The following CLIP2 variants were observed in gnomAD, a reference collection of about 807,000 sequenced individuals.
CLIP2 encodes CAP-Gly domain-containing linker protein 2.
CLIP2 carries 41 observed loss-of-function variants against 111.7 expected under a neutral mutation model. That is an observed-to-expected ratio of 0.37 (90% CI 0.29 to 0.48). The LOEUF (loss-of-function observed/expected upper bound fraction) is 0.48, where lower values mean the gene tolerates loss of function less well. Among genes scored for constraint, CLIP2 ranks in the 20% least tolerant of loss-of-function variants. The pLI is 0.99. For synonymous variants in CLIP2, 660 were observed against 644.2 expected (o/e 1.02, Z -0.37); for missense variants, 1,160 against 1,422.1 (o/e 0.82, Z 2.96).
At chr7:74,331,005 G>A (rs1422266615) in intron 2 of CLIP2, among the ~76,000 whole-genome samples, 2 of 151,878 alleles carry the variant, frequency 1.3e-5, no homozygotes, top group Non-Finnish European at 2.9e-5. Context: ...AGGAATTCGA[G>A]ATGAGCCTGG....
intron 2 of CLIP2, among the ~76,000 whole-genome samples, chr7:74,337,045 C>G (rs551947136): frequency 6.6e-6 from 1 of 151,982 alleles, no homozygotes; most frequent in African/African-American, 2.4e-5. Context: ...ACTACCACAT[C>G]CGGCTAATTT....
chr7:74,319,406 G>A (rs1457652365), intron 2 of CLIP2, among the ~76,000 whole-genome samples: 1 of 152,066 alleles, frequency 6.6e-6, no homozygotes, highest in Admixed American at 6.6e-5. Flanking sequence ...TACATGGGAG[G>A]CCGAGGCATG....
chr7:74,297,489 A>C (rs1259911862), intron 1 of CLIP2, among the ~76,000 whole-genome samples: 1 of 151,900 alleles, frequency 6.6e-6, no homozygotes, highest in Non-Finnish European at 1.5e-5. Flanking sequence ...AAAAAAACCC[A>C]AAAAACCGAA....
At chr7:74,385,838 G>A (rs1791077864) in intron 11 of CLIP2, among the ~76,000 whole-genome samples, 1 of 148,818 alleles carries the variant, frequency 6.7e-6, no homozygotes, top group Non-Finnish European at 1.5e-5. Context: ...TGCCTCCCAA[G>A]TTCAAGCGAT....
In CLIP2 at chr7:74,354,040, G is replaced by T. The variant is rs202078865; in HGVS notation, c.803+36G>T. 1.2e-5 allele frequency: 19 copies of T among 1,585,086 alleles called. No individual in the cohort carries two copies. The East Asian group carries it at 2.7e-4, about 22-fold the overall frequency. On this transcript the variant is annotated intron_variant, in intron 4 of 16. Transcript: ENST00000223398. ...CTTCTTCTGGGGAGTATGGGAGGGG[G>T]CTCCTCTCCCCAGGGTGGGCGCAGG...
chr7:74,334,435 C>T (rs1208976861), intron 2 of CLIP2, among the ~76,000 whole-genome samples: 1 of 152,092 alleles, frequency 6.6e-6, no homozygotes, highest in African/African-American at 2.4e-5. Flanking sequence ...TGGGCCCGGA[C>T]AGCTGGGGAC....
chr7:74,400,797 C>T (rs1791596900), intron 15 of CLIP2, among the ~76,000 whole-genome samples: 2 of 151,600 alleles, frequency 1.3e-5, no homozygotes, highest in African/African-American at 4.8e-5. Flanking sequence ...GTCTCAGGAA[C>T]CCGGGTCTGA....
chr7:74,352,084 G>A (rs1312777421), intron 3 of CLIP2, among the ~76,000 whole-genome samples: 1 of 152,092 alleles, frequency 6.6e-6, no homozygotes, highest in African/African-American at 2.4e-5. Flanking sequence ...TGAGCATCTT[G>A]GCAGGAGATT....
At chr7:74,305,865 A>C (rs2528483) in intron 1 of CLIP2, among the ~76,000 whole-genome samples, 47,262 of 72,080 alleles carry the variant, frequency 0.66, 14,703 homozygotes, top group East Asian at 0.72. Flanking sequence ...ACCCCCCCCC[A>C]CCGCCCCTGC....
intron 16 of CLIP2, among the ~76,000 whole-genome samples, chr7:74,402,322 T>TC (rs1194308779): frequency 1.2e-5 from 1 of 86,016 alleles, no homozygotes; most frequent in East Asian, 3.5e-4. Context: ...AGAGCGAGAC[T>TC]CCATCTCAAA....
Position 74,368,958 on chromosome 7 carries a change from A to G in CLIP2, c.1381-3974A>G, listed in dbSNP as rs1449536807. On this transcript the variant is annotated intron_variant, in intron 8 of 16. Coordinates refer to ENST00000223398, the MANE Select transcript of CLIP2 (RefSeq NM_003388.5). ...CCGGGTGCAGTGGCTCACACCTGCA[A>G]TCCCAATACTTGGGAGGGAGAGGTG... Among the ~76,000 whole-genome samples, 6 of 152,286 alleles carry G rather than the reference A, an allele frequency of 3.9e-5. 1 individual carries two copies. The highest frequency in any genetic ancestry group is 1.4e-4 in the African/African-American group (6 of 41,562).
At chr7:74,345,393 C>A (rs1789774639) in intron 3 of CLIP2, among the ~76,000 whole-genome samples, 1 of 151,978 alleles carries the variant, frequency 6.6e-6, no homozygotes, top group African/African-American at 2.4e-5. Context: ...CGCCACCCAC[C>A]TGGCTAATTT....
At chr7:74,358,580 T>A (rs200715980) in intron 6 of CLIP2, among the ~76,000 whole-genome samples, 2 of 144,762 alleles carry the variant, frequency 1.4e-5, no homozygotes, top group South Asian at 2.2e-4. Context: ...TTTTTTTTTT[T>A]ATTTTATTTT....
intron 1 of CLIP2, among the ~76,000 whole-genome samples, chr7:74,291,729 G>T (rs1167098885): frequency 6.6e-6 from 1 of 152,048 alleles, no homozygotes; most frequent in Non-Finnish European, 1.5e-5. Context: ...GGTTAGCCCT[G>T]ACCCGGCACC....
At chr7:74,302,298 C>T (rs1277009617) in intron 1 of CLIP2, among the ~76,000 whole-genome samples, 2 of 151,272 alleles carry the variant, frequency 1.3e-5, no homozygotes, top group African/African-American at 4.8e-5. Flanking sequence ...TCACTGCAAC[C>T]TCCGCCTCCC....
At chr7:74,401,442 A>G in intron 15 of CLIP2, 63 bp from the exon 16 acceptor site, 1 of 1,514,404 alleles carries the variant, frequency 6.6e-7, no homozygotes, top group Non-Finnish European at 9.1e-7. Flanking sequence ...CTCGCCATCT[A>G]GTGGGAAAAT....
chr7:74,360,273 G>A lies in CLIP2; in HGVS notation c.1314G>A (p.Glu438=), dbSNP rs1554309477. Residue 438 remains glutamate (E), a synonymous_variant, in exon 7 of 17, where the codon GAG becomes GAA. Transcript: ENST00000223398. ...KVDLSNQLEE[E]RRKVEDLQFR... ...ACCTGTCCAACCAGCTGGAGGAGGA[G>A]AGGAGGTACGTGCTGGCCCACCCTC... 6.3e-7 allele frequency: 1 copy of A among 1,595,294 alleles called. No homozygotes were observed. Among genetic ancestry groups the A allele is most frequent in the Non-Finnish European group, 8.5e-7 (1 of 1,170,634 alleles).
At position 74,382,447 on chromosome 7, in the gene CLIP2, C is replaced by T. The variant is rs1339210143; in HGVS notation, c.2479+1584C>T. Reference sequence around the variant, plus strand: ...AGCCTCCTGAGTAGCTGGGACTACACGTGCATGCCACCATGCCCTGCTAAT... The same window carrying T: ...AGCCTCCTGAGTAGCTGGGACTACATGTGCATGCCACCATGCCCTGCTAAT... On this transcript the variant is annotated intron_variant, in intron 11 of 16. Coordinates refer to ENST00000223398, the MANE Select transcript of CLIP2 (RefSeq NM_003388.5). 4.0e-5 allele frequency among the ~76,000 whole-genome samples: 6 copies of T among 150,596 alleles called. No individual in the cohort carries two copies. The South Asian group carries it at 6.3e-4, about 16-fold the overall frequency.
intron 4 of CLIP2, among the ~76,000 whole-genome samples, chr7:74,354,870 G>T (rs1554308202): frequency 6.6e-6 from 1 of 152,188 alleles, no homozygotes; most frequent in Non-Finnish European, 1.5e-5. Flanking sequence ...GAAATAATCA[G>T]ACAATGCCCA....
Sources: allele counts gnomAD v4.1 joint callset (sites outside exome capture counted in the v4.1 genomes callset), GRCh38; gene constraint gnomAD v4.1.1; transcripts MANE v1.5; gene names NCBI Gene and HGNC (gene_info 2026-07-23, HGNC 2026-07-21).